The following SLC39A14 variants were observed in gnomAD, a reference collection of about 807,000 sequenced individuals.
SLC39A14 encodes metal cation symporter ZIP14.
SLC39A14 carries 19 observed loss-of-function variants against 45.5 expected under a neutral mutation model. The ratio of observed to expected loss-of-function variants is 0.42; its 90% confidence interval spans 0.29 to 0.61. The LOEUF (loss-of-function observed/expected upper bound fraction) is 0.61, where lower values mean the gene tolerates loss of function less well. Ranked by LOEUF, SLC39A14 falls within the 20% of genes least tolerant of loss-of-function variation. SLC39A14 has a pLI of 0.22. For missense variants in SLC39A14, 447 were observed against 616.5 expected (o/e 0.73, Z 2.91); for synonymous variants, 264 against 251.3 (o/e 1.05, Z -0.48).
At chr8:22,381,311 G>C (rs768405382) in intron 1 of SLC39A14, among the ~76,000 whole-genome samples, 1 of 149,372 alleles carries the variant, frequency 6.7e-6, no homozygotes, top group Non-Finnish European at 1.5e-5. Flanking sequence ...GTCTCGCTCC[G>C]TCACCCAGAC....
At chr8:22,390,115 A>T in intron 1 of SLC39A14, 1 of 168,106 alleles carries the variant, frequency 5.9e-6, no homozygotes, top group Non-Finnish European at 1.3e-5. Context: ...GTTTGTTTAC[A>T]GCTATGCCGA....
chr8:22,373,205 G>A (rs1833028730), intron 1 of SLC39A14, among the ~76,000 whole-genome samples: 1 of 150,700 alleles, frequency 6.6e-6, no homozygotes, highest in Non-Finnish European at 1.5e-5. Flanking sequence ...AGAGGTTGCA[G>A]TGAGCCAAGA....
At chr8:22,417,931 C>A in intron 8 of SLC39A14, 96 bp downstream of exon 8, 1 of 1,002,238 alleles carries the variant, frequency 1.0e-6, no homozygotes, top group African/African-American at 1.6e-5. Flanking sequence ...GAGATGGAGT[C>A]TCACTCTGTC....
chr8:22,396,413 G>GA (rs1563532912), intron 1 of SLC39A14, among the ~76,000 whole-genome samples: 3 of 878 alleles, frequency 3.4e-3, no homozygotes, highest in African/African-American at 0.024. Context: ...GAGAGAGAGA[G>GA]GGGGGGGGGA....
chr8:22,390,575 A>ACAGG (rs1834016654), intron 1 of SLC39A14: 1 of 155,192 alleles, frequency 6.4e-6, no homozygotes, highest in Non-Finnish European at 1.4e-5. Context: ...TGCTGGGATT[A>ACAGG]CAGGCATGAG....
At chr8:22,416,926 C>T (rs1460368093) in intron 7 of SLC39A14, among the ~76,000 whole-genome samples, 2 of 152,156 alleles carry the variant, frequency 1.3e-5, no homozygotes, top group Admixed American at 1.3e-4. Context: ...TTCCCATGTG[C>T]CAGGTGCTAT....
At chr8:22,431,212 C>T (rs189790338) in intron 8 of SLC39A14, among the ~76,000 whole-genome samples, 5 of 152,158 alleles carry the variant, frequency 3.3e-5, no homozygotes, top group South Asian at 2.1e-4. Context: ...TAGTCTCGAT[C>T]GCCTGACCTC....
At chr8:22,432,619 C>G (rs972598876) in intron 8 of SLC39A14, among the ~76,000 whole-genome samples, 1 of 150,864 alleles carries the variant, frequency 6.6e-6, no homozygotes, top group South Asian at 2.1e-4. Flanking sequence ...GCTGGGACCA[C>G]AGGTGTTCAC....
downstream of SLC39A14, among the ~76,000 whole-genome samples, chr8:22,426,866 T>C (rs1263492485): frequency 1.3e-5 from 2 of 151,990 alleles, no homozygotes; most frequent in African/African-American, 4.8e-5. Flanking sequence ...GTGTTTTTAG[T>C]AGAGATGGGG....
chr8:22,400,876 G>T (rs1834814376), intron 1 of SLC39A14, among the ~76,000 whole-genome samples: 2 of 152,252 alleles, frequency 1.3e-5, no homozygotes, highest in African/African-American at 2.4e-5. Flanking sequence ...GAGAGAGTCA[G>T]AGTTGGGAAC....
At chr8:22,430,455 G>T (rs908390235) in intron 8 of SLC39A14, among the ~76,000 whole-genome samples, 2 of 152,124 alleles carry the variant, frequency 1.3e-5, no homozygotes, top group Non-Finnish European at 2.9e-5. Flanking sequence ...TAGACGGTAG[G>T]GGGAGGAAGT....
rs900012798 is a variant in SLC39A14, at chr8:22,421,945, C to T, written c.*2247C>T. 13 of 985,232 alleles carry T rather than the reference C, an allele frequency of 1.3e-5. No homozygotes were observed. Among genetic ancestry groups the T allele is most frequent in the Non-Finnish European group, 1.4e-5 (12 of 829,916 alleles). 61.0% of individuals were successfully genotyped at this position (985,232 alleles called of 1,614,324 possible). A position where few individuals can be genotyped will look rare whatever the true frequency, so the allele number is the denominator to read the frequency against. ...CCTCAAAGGGAAATCCTCTTTAAAC[C>T]GTAGTTGGCGCAGAGGTCAGTCCTA... On this transcript the variant is annotated 3_prime_UTR_variant, in exon 9 of 9. Transcript: ENST00000381237.
At chr8:22,410,526 A>G (rs545345452) in intron 3 of SLC39A14, among the ~76,000 whole-genome samples, 8 of 152,282 alleles carry the variant, frequency 5.3e-5, no homozygotes, top group African/African-American at 1.9e-4. Flanking sequence ...CTGGAATGAG[A>G]TGGAAGGAAA....
chr8:22,385,458 C>T (rs1457527704), intron 1 of SLC39A14, among the ~76,000 whole-genome samples: 1 of 152,110 alleles, frequency 6.6e-6, no homozygotes, highest in Admixed American at 6.5e-5. Flanking sequence ...CTTTTTTGTC[C>T]ACATTGAAGA....
intron 1 of SLC39A14, among the ~76,000 whole-genome samples, chr8:22,387,183 A>AAAG (rs1833839000): frequency 6.6e-6 from 1 of 151,710 alleles, no homozygotes; most frequent in Non-Finnish European, 1.5e-5. Flanking sequence ...AAAAAAAAAA[A>AAAG]AAAGGCAGTA....
At chr8:22,369,861 G>A (rs576715165) in intron 1 of SLC39A14, among the ~76,000 whole-genome samples, 1 of 152,254 alleles carries the variant, frequency 6.6e-6, no homozygotes, top group East Asian at 1.9e-4. Context: ...GAGGCTGATA[G>A]TTGGGTTGGG....
chr8:22,418,623 C>T (rs532978973), intron 8 of SLC39A14, among the ~76,000 whole-genome samples: 25 of 151,970 alleles, frequency 1.6e-4, no homozygotes, highest in South Asian at 1.5e-3. Flanking sequence ...CCTTGAACTC[C>T]GGAGCTTAAG....
chr8:22,371,925 A>G lies in SLC39A14; in HGVS notation c.-16+4517A>G, dbSNP rs983257124. 7.3e-5 allele frequency among the ~76,000 whole-genome samples: 11 copies of G among 150,616 alleles called. No individual in the cohort carries two copies. The South Asian group carries it at 2.3e-3, about 32-fold the overall frequency. On this transcript the variant is annotated intron_variant, in intron 1 of 8. Coordinates refer to ENST00000381237, the MANE Select transcript of SLC39A14 (RefSeq NM_001128431.4). ...ACGCCTGGCTAATTTTTGTATTTTT[A>G]GTAGAGACGAGGTTTCACCATGTTG...
intron 1 of SLC39A14, among the ~76,000 whole-genome samples, chr8:22,371,502 C>T (rs1273217466): frequency 5.7e-5 from 8 of 140,664 alleles, no homozygotes; most frequent in South Asian, 4.6e-4. Context: ...GGTGCGATCT[C>T]GGCTCACTGC....
Sources: gnomAD v4.1 joint callset for allele counts (sites outside exome capture counted in the v4.1 genomes callset) on GRCh38, gnomAD v4.1.1 for gene constraint, MANE v1.5 for transcripts, NCBI Gene and HGNC (gene_info 2026-07-23, HGNC 2026-07-21) for gene names.